KIAA1217: variants seen among roughly 807,000 people sequenced by gnomAD.
KIAA1217 encodes the protein KIAA1217.
KIAA1217 carries 88 observed loss-of-function variants against 163.9 expected under a neutral mutation model. The observed-to-expected ratio is 0.54, with a 90% CI of 0.45 to 0.64. The LOEUF (loss-of-function observed/expected upper bound fraction) is 0.64. KIAA1217 is among the 30% of genes least tolerant of loss of function. The pLI, the probability that KIAA1217 is intolerant of heterozygous loss-of-function variation, is 0.00. For missense variants in KIAA1217, 2,372 were observed against 2,475.0 expected (o/e 0.96, Z 0.88); for synonymous variants, 903 against 923.1 (o/e 0.98, Z 0.39).
chr10:23,704,578 C>T (rs562181816), intron 1 of KIAA1217, among the ~76,000 whole-genome samples: 2 of 152,122 alleles, frequency 1.3e-5, no homozygotes, highest in African/African-American at 2.4e-5. Flanking sequence ...TTGTGATTGG[C>T]TTCTTTCACT....
In KIAA1217 at chr10:23,866,868, C is replaced by T. The variant is rs566041444; in HGVS notation, c.-320-140357C>T. Among the ~76,000 whole-genome samples, 89 of 151,714 alleles carry T rather than the reference C, an allele frequency of 5.9e-4. No homozygotes were observed. The South Asian group carries it at 8.3e-3, about 14-fold the overall frequency. On this transcript the variant is annotated intron_variant, in intron 1 of 18. Transcript: ENST00000376462. Reference sequence around the variant, plus strand: ...CTTTTTTTCTTTTATTATTATTATACTTTAAGTTTTAGGGTACATGTGCAC... The same window carrying T: ...CTTTTTTTCTTTTATTATTATTATATTTTAAGTTTTAGGGTACATGTGCAC...
intron 17 of KIAA1217, among the ~76,000 whole-genome samples, chr10:24,541,357 G>A (rs996784140): frequency 6.6e-6 from 1 of 151,968 alleles, no homozygotes; most frequent in African/African-American, 2.4e-5. Context: ...TAAAACAGGA[G>A]GTATTTGGTG....
intron 2 of KIAA1217, among the ~76,000 whole-genome samples, chr10:24,184,460 T>C (rs1564801330): frequency 6.6e-6 from 1 of 152,236 alleles, no homozygotes; most frequent in Non-Finnish European, 1.5e-5. Flanking sequence ...GAGATGTTTA[T>C]GAAAGCCCAA....
chr10:23,937,118 G>T (rs1005397644), intron 1 of KIAA1217, among the ~76,000 whole-genome samples: 1 of 152,052 alleles, frequency 6.6e-6, no homozygotes, highest in Admixed American at 6.5e-5. Flanking sequence ...CAAGTGATCT[G>T]CACGCCTTGG....
intron 1 of KIAA1217, among the ~76,000 whole-genome samples, chr10:23,767,890 A>C (rs1834612524): frequency 1.3e-5 from 2 of 152,202 alleles, no homozygotes; most frequent in Non-Finnish European, 2.9e-5. Context: ...TGAGAATCCA[A>C]GTAGGGCTTT....
intron 17 of KIAA1217, among the ~76,000 whole-genome samples, chr10:24,540,969 G>A (rs993271067): frequency 4.6e-5 from 7 of 151,666 alleles, no homozygotes; most frequent in South Asian, 2.1e-4. Context: ...GGATTTCACC[G>A]TGATGACCAG....
In KIAA1217 at chr10:23,858,826, C is replaced by T. The variant is rs563514955; in HGVS notation, c.-320-148399C>T. ...TGGTTGTAGGTGTCACCTGCCAAGA[C>T]TTAAGAGACATAGTAGAAAACTCTC... On this transcript the variant is annotated intron_variant, in intron 1 of 18. Transcript: ENST00000376462. 1.9e-4 allele frequency among the ~76,000 whole-genome samples: 29 copies of T among 152,258 alleles called. No individual in the cohort carries two copies. The South Asian group carries it at 6.0e-3, about 32-fold the overall frequency.
At chr10:24,027,822 C>A (rs997418056) in intron 2 of KIAA1217, among the ~76,000 whole-genome samples, 1 of 151,992 alleles carries the variant, frequency 6.6e-6, no homozygotes, top group African/African-American at 2.4e-5. Context: ...CTAAATAAGA[C>A]CTATCGCCCA....
chr10:24,109,067 A>C (rs2062740690), intron 2 of KIAA1217, among the ~76,000 whole-genome samples: 1 of 152,102 alleles, frequency 6.6e-6, no homozygotes, highest in Non-Finnish European at 1.5e-5. Context: ...CCTGACCTCA[A>C]GTGATCCAAC....
At chr10:23,760,765 A>G (rs1834221039) in intron 1 of KIAA1217, among the ~76,000 whole-genome samples, 1 of 152,158 alleles carries the variant, frequency 6.6e-6, no homozygotes, top group South Asian at 2.1e-4. Flanking sequence ...ACATAGCAAG[A>G]CCCTGTCTCT....
intron 6 of KIAA1217, among the ~76,000 whole-genome samples, chr10:24,490,254 A>G (rs2065941584): frequency 6.6e-6 from 1 of 152,252 alleles, no homozygotes. Context: ...TCTTTTCAAC[A>G]GTAATTGTAT....
At chr10:23,834,509 G>A (rs1838357633) in intron 1 of KIAA1217, among the ~76,000 whole-genome samples, 1 of 152,150 alleles carries the variant, frequency 6.6e-6, no homozygotes, top group Non-Finnish European at 1.5e-5. Flanking sequence ...TAGTGGAAGA[G>A]AGAGACGATA....
At chr10:23,818,042 T>C (rs1588882311) in intron 1 of KIAA1217, among the ~76,000 whole-genome samples, 2 of 128,232 alleles carry the variant, frequency 1.6e-5, no homozygotes, top group South Asian at 2.4e-4. Flanking sequence ...TATATACATA[T>C]ATATACACAT....
chr10:24,428,185 G>A (rs2059322022), intron 3 of KIAA1217, among the ~76,000 whole-genome samples: 1 of 152,212 alleles, frequency 6.6e-6, no homozygotes, highest in African/African-American at 2.4e-5. Flanking sequence ...GCCATTGGTG[G>A]CCTTTCTGCA....
chr10:24,402,858 C>T (rs150567433), intron 3 of KIAA1217, among the ~76,000 whole-genome samples: 9 of 152,246 alleles, frequency 5.9e-5, no homozygotes, highest in Admixed American at 2.6e-4. Flanking sequence ...AGTCTGGGCA[C>T]GATGGCTCAT....
At chr10:23,865,369 C>T (rs1183304147) in intron 1 of KIAA1217, among the ~76,000 whole-genome samples, 4 of 152,098 alleles carry the variant, frequency 2.6e-5, no homozygotes, top group African/African-American at 9.7e-5. Context: ...AATCATTTAG[C>T]CTCTATTCTG....
intron 10 of KIAA1217, among the ~76,000 whole-genome samples, chr10:24,515,135 C>T (rs947771198): frequency 6.6e-6 from 1 of 151,808 alleles, no homozygotes; most frequent in African/African-American, 2.4e-5. Context: ...GGCATGATCT[C>T]GGCTCACTGC....
chr10:24,340,539 C>T (rs1197371993), intron 2 of KIAA1217, among the ~76,000 whole-genome samples: 2 of 152,114 alleles, frequency 1.3e-5, no homozygotes, highest in African/African-American at 4.8e-5. Context: ...TTATCAGCAG[C>T]GTGAAAACAA....
At chr10:24,050,964 G>T (rs1383190204) in intron 2 of KIAA1217, among the ~76,000 whole-genome samples, 2 of 152,010 alleles carry the variant, frequency 1.3e-5, no homozygotes, top group Non-Finnish European at 2.9e-5. Context: ...AACAGTTAGT[G>T]TTTGGTTGCA....
Sources: gnomAD v4.1 joint callset for allele counts (sites outside exome capture counted in the v4.1 genomes callset) on GRCh38, gnomAD v4.1.1 for gene constraint, MANE v1.5 for transcripts, NCBI Gene and HGNC (gene_info 2026-07-23, HGNC 2026-07-21) for gene names.